Variants in AUTS2 observed in about 807,000 individuals in gnomAD.
AUTS2 encodes the protein activator of transcription and developmental regulator AUTS2.
Under a neutral mutation model 112.4 loss-of-function variants are expected in AUTS2, and 17 were observed. That is an observed-to-expected ratio of 0.15 (90% CI 0.10 to 0.23). AUTS2 has a LOEUF of 0.23. Among genes scored for constraint, AUTS2 ranks in the 10% least tolerant of loss-of-function variants. The pLI is 1.00. For synonymous variants in AUTS2, 751 were observed against 702.7 expected (o/e 1.07, Z -1.09); for missense variants, 1,510 against 1,701.6 (o/e 0.89, Z 1.98).
In AUTS2 at chr7:70,754,000, C is replaced by CA. The variant is rs1176340028; in HGVS notation, c.743-8859dup. On this transcript the variant is annotated intron_variant, in intron 6 of 18. Coordinates refer to ENST00000342771, the MANE Select transcript of AUTS2 (RefSeq NM_015570.4). Reference sequence around the variant, plus strand: ...TGAAACCCCGTCTCTATTAAAAATACAAAAAAAAAAATCAGCCAGGCGTGG... The same window carrying CA: ...TGAAACCCCGTCTCTATTAAAAATACAAAAAAAAAAAATCAGCCAGGCGTGG... Among the ~76,000 whole-genome samples the CA allele has an allele frequency of 1.5e-3, 213 of 142,144 alleles. 1 individual carries two copies. The highest frequency in any genetic ancestry group is 3.2e-3 in the African/African-American group (124 of 38,748). The allele number at this position is 142,144 out of a possible 152,430, so 93.3% of individuals were successfully genotyped here. A position where few individuals can be genotyped will look rare whatever the true frequency, so the allele number is the denominator to read the frequency against.
intron 2 of AUTS2, among the ~76,000 whole-genome samples, chr7:70,081,153 G>A (rs1803285711): frequency 6.6e-6 from 1 of 152,100 alleles, no homozygotes. Context: ...TCTGAGAAGT[G>A]TTGCGATAAT....
chr7:70,137,149 A>T (rs1477480734), intron 4 of AUTS2, among the ~76,000 whole-genome samples: 2 of 152,160 alleles, frequency 1.3e-5, no homozygotes, highest in Non-Finnish European at 2.9e-5. Flanking sequence ...CACTTTTCCA[A>T]TCCGTTTAGA....
At chr7:69,974,024 G>C (rs1269486559) in intron 2 of AUTS2, among the ~76,000 whole-genome samples, 1 of 151,952 alleles carries the variant, frequency 6.6e-6, no homozygotes. Flanking sequence ...ACATTGTGTG[G>C]AATTCTGTAG....
rs374096884 is a variant in AUTS2 at position 70,792,487 on chromosome 7, C to CAAAA, written c.*1508_*1511dup. 1.3e-5 allele frequency: 1 copy of CAAAA among 78,596 alleles called. No homozygotes were observed. The highest frequency in any genetic ancestry group is 4.4e-5 in the African/African-American group (1 of 22,968). The allele number at this position is 78,596 out of a possible 1,614,324, so 4.9% of individuals were successfully genotyped here. A position where few individuals can be genotyped will look rare whatever the true frequency, so the allele number is the denominator to read the frequency against. ...ATCTGACGTTGTTATCCTGTTTTTG[C>CAAAA]AAAAAAAAAAAAAAAAAAAAGTTAA... On this transcript the variant is annotated 3_prime_UTR_variant, in exon 19 of 19. Coordinates refer to ENST00000342771, the MANE Select transcript of AUTS2 (RefSeq NM_015570.4).
intron 1 of AUTS2, among the ~76,000 whole-genome samples, chr7:69,836,965 A>T (rs923011276): frequency 6.6e-6 from 1 of 152,156 alleles, no homozygotes; most frequent in Non-Finnish European, 1.5e-5. Context: ...TCTCATGTGA[A>T]TGTGTGCAGT....
At chr7:70,294,146 T>A (rs765382097) in intron 4 of AUTS2, 3 of 152,222 alleles carry the variant, frequency 2.0e-5, no homozygotes, top group Admixed American at 2.0e-4. Flanking sequence ...TTTTGTGTAA[T>A]TGCCTTTTCT....
chr7:70,714,727 C>T (rs1017033513), intron 6 of AUTS2, among the ~76,000 whole-genome samples: 4 of 152,180 alleles, frequency 2.6e-5, no homozygotes, highest in African/African-American at 9.7e-5. Context: ...TAGCTTGTTC[C>T]TCTGTCCCTC....
intron 4 of AUTS2, among the ~76,000 whole-genome samples, chr7:70,207,678 GTAAA>G (rs1220369030): frequency 6.6e-6 from 1 of 152,118 alleles, no homozygotes; most frequent in African/African-American, 2.4e-5. Flanking sequence ...GATTATGCAT[GTAAA>G]GTATTTAGCA....
chr7:70,068,973 A>G (rs973652522), intron 2 of AUTS2, among the ~76,000 whole-genome samples: 3 of 152,238 alleles, frequency 2.0e-5, no homozygotes, highest in Non-Finnish European at 4.4e-5. Flanking sequence ...CACCACTAAG[A>G]CATTTGACTG....
At chr7:70,437,922 G>A (rs1465430877) in intron 5 of AUTS2, 1 of 151,848 alleles carries the variant, frequency 6.6e-6, no homozygotes, top group Admixed American at 6.6e-5. Context: ...AGGATGCCCG[G>A]TTTTGTGTTC....
At chr7:69,920,789 G>A (rs1324549398) in intron 2 of AUTS2, among the ~76,000 whole-genome samples, 1 of 152,136 alleles carries the variant, frequency 6.6e-6, no homozygotes, top group Non-Finnish European at 1.5e-5. Context: ...TCTTTATTCA[G>A]TACATGTTTT....
chr7:70,301,394 G>A (rs373847331), intron 4 of AUTS2, among the ~76,000 whole-genome samples: 65 of 152,242 alleles, frequency 4.3e-4, no homozygotes, highest in African/African-American at 1.5e-3. Flanking sequence ...CTTCTTGGAG[G>A]CATAAGGTAT....
chr7:70,503,042 G>T (rs1233436305), intron 5 of AUTS2, among the ~76,000 whole-genome samples: 1 of 152,070 alleles, frequency 6.6e-6, no homozygotes, highest in African/African-American at 2.4e-5. Flanking sequence ...AGTTGCAAGT[G>T]CTCCCCAGGG....
At chr7:69,856,851 A>G (rs1205218982) in intron 1 of AUTS2, among the ~76,000 whole-genome samples, 2 of 152,092 alleles carry the variant, frequency 1.3e-5, no homozygotes, top group Non-Finnish European at 2.9e-5. Flanking sequence ...GGTTCCCTCC[A>G]TGCTTGTTGC....
At chr7:70,442,810 C>T (rs1459426271) in intron 5 of AUTS2, among the ~76,000 whole-genome samples, 2 of 152,052 alleles carry the variant, frequency 1.3e-5, no homozygotes, top group Admixed American at 6.6e-5. Flanking sequence ...ATTTTGGATG[C>T]GTGATTTCCG....
chr7:70,169,191 T>C (rs1808537066), intron 4 of AUTS2, among the ~76,000 whole-genome samples: 1 of 152,116 alleles, frequency 6.6e-6, no homozygotes, highest in African/African-American at 2.4e-5. Context: ...GTATTTCAAA[T>C]GCGTTATTTT....
intron 2 of AUTS2, among the ~76,000 whole-genome samples, chr7:69,927,608 C>G (rs925876024): frequency 2.6e-5 from 4 of 152,224 alleles, no homozygotes; most frequent in Non-Finnish European, 5.9e-5. Context: ...GCTTGTGCTA[C>G]CAACCTCGGT....
chr7:70,486,139 A>T (rs1797988415), intron 5 of AUTS2, among the ~76,000 whole-genome samples: 1 of 152,198 alleles, frequency 6.6e-6, no homozygotes, highest in Admixed American at 6.5e-5. Context: ...CTGCCAGGTA[A>T]TCCTTACCAA....
intron 2 of AUTS2, among the ~76,000 whole-genome samples, chr7:70,033,668 A>G (rs910185690): frequency 1.3e-5 from 2 of 152,186 alleles, no homozygotes; most frequent in African/African-American, 4.8e-5. Flanking sequence ...AAAAAAACAA[A>G]AAGAATCTTC....
Sources: gnomAD v4.1 joint callset for allele counts (sites outside exome capture counted in the v4.1 genomes callset) on GRCh38, gnomAD v4.1.1 for gene constraint, MANE v1.5 for transcripts, NCBI Gene and HGNC (gene_info 2026-07-23, HGNC 2026-07-21) for gene names.